The following TLCD4 variants were observed in gnomAD, a reference collection of about 807,000 sequenced individuals.
TLCD4 encodes TLC domain-containing protein 4.
Under a neutral mutation model 24.2 loss-of-function variants are expected in TLCD4, and 7 were observed. The ratio of observed to expected loss-of-function variants is 0.29; its 90% confidence interval spans 0.16 to 0.54. TLCD4 has a LOEUF of 0.54. Ranked by LOEUF, TLCD4 falls within the 20% of genes least tolerant of loss-of-function variation. TLCD4 has a pLI of 0.95. For missense variants in TLCD4, 259 were observed against 313.9 expected (o/e 0.82, Z 1.32); for synonymous variants, 103 against 106.4 (o/e 0.97, Z 0.20).
the TLCD4 span, among the ~76,000 whole-genome samples, chr1:95,095,248 G>A: frequency 7.2e-5 from 11 of 152,104 alleles, no homozygotes; most frequent in African/African-American, 2.2e-4. Context: ...TTTCAAGGAG[G>A]TCAAAAACAG....
At chr1:95,162,921 G>T (rs1387930489) in intron 5 of TLCD4, among the ~76,000 whole-genome samples, 5 of 152,152 alleles carry the variant, frequency 3.3e-5, no homozygotes, top group Admixed American at 2.6e-4. Context: ...CTTTCTCTCT[G>T]GCTGCCCTTA....
chr1:95,175,525 G>A (rs751203350), intron 6 of TLCD4, among the ~76,000 whole-genome samples: 1 of 152,176 alleles, frequency 6.6e-6, no homozygotes, highest in Non-Finnish European at 1.5e-5. Context: ...TTGAGACCCT[G>A]TTTCAAATTC....
At chr1:95,189,061 C>T (rs1201624579) in intron 6 of TLCD4, among the ~76,000 whole-genome samples, 2 of 152,108 alleles carry the variant, frequency 1.3e-5, no homozygotes, top group African/African-American at 2.4e-5. Flanking sequence ...TCCAGTATCT[C>T]ATGGAAAAAA....
At chr1:95,093,193 G>T in the TLCD4 span, among the ~76,000 whole-genome samples, 29 of 152,298 alleles carry the variant, frequency 1.9e-4, no homozygotes, top group East Asian at 3.3e-3. Context: ...GCACAAGGAA[G>T]AACCTCCCAG....
At chr1:95,138,026 G>A (rs1243590971) in intron 1 of TLCD4, among the ~76,000 whole-genome samples, 1 of 152,022 alleles carries the variant, frequency 6.6e-6, no homozygotes, top group African/African-American at 2.4e-5. Context: ...GCATGAGCCC[G>A]ACTGAGAACT....
At chr1:95,100,635 TC>T in the TLCD4 span, among the ~76,000 whole-genome samples, 12,283 of 152,168 alleles carry the variant, frequency 0.081, 531 homozygotes, top group African/African-American at 0.11. Context: ...GAGGACACCT[TC>T]CAGATCATCT....
chr1:95,163,325 C>G lies in TLCD4; in HGVS notation c.400-10491C>G, dbSNP rs188616443. 6.7e-4 allele frequency: 102 copies of G among 152,248 alleles called. 1 individual carries two copies. The highest frequency in any genetic ancestry group is 2.0e-3 in the African/African-American group (83 of 41,552). The allele number at this position is 152,248 out of a possible 1,614,324, so 9.4% of individuals were successfully genotyped here. ...AAGCTTGTGCATGTGTCATATAGTTCTCGTGCCATGGTTTTCAGCTCCATT... is the reference window on the plus strand; with the variant it reads ...AAGCTTGTGCATGTGTCATATAGTTGTCGTGCCATGGTTTTCAGCTCCATT... On this transcript the variant is annotated intron_variant, in intron 5 of 6. Coordinates refer to ENST00000370203, the MANE Select transcript of TLCD4 (RefSeq NM_152487.3).
At chr1:95,169,441 G>A (rs1208445202) in intron 5 of TLCD4, among the ~76,000 whole-genome samples, 1 of 152,174 alleles carries the variant, frequency 6.6e-6, no homozygotes, top group East Asian at 1.9e-4. Flanking sequence ...AAGTTGTTTA[G>A]ATGAACATAA....
chr1:95,177,935 CTTTTTTTTTT>C (rs200257933), intron 6 of TLCD4, among the ~76,000 whole-genome samples: 1 of 130,330 alleles, frequency 7.7e-6, no homozygotes, highest in Non-Finnish European at 1.7e-5. Context: ...TTTTTCTTTT[CTTTTTTTTTT>C]TTTTTGTTTT....
At chr1:95,139,040 A>C (rs1435898994) in intron 1 of TLCD4, among the ~76,000 whole-genome samples, 2 of 150,524 alleles carry the variant, frequency 1.3e-5, no homozygotes, top group Non-Finnish European at 3.0e-5. Flanking sequence ...AAAAAAAAAA[A>C]AAAATGAGCT....
the TLCD4 span, among the ~76,000 whole-genome samples, chr1:95,092,605 C>A: frequency 6.6e-6 from 1 of 152,104 alleles, no homozygotes; most frequent in Non-Finnish European, 1.5e-5. Flanking sequence ...TAACACTCAC[C>A]GCGAAGGTCT....
At chr1:95,137,163 G>A (rs994801636) in intron 1 of TLCD4, among the ~76,000 whole-genome samples, 2 of 152,164 alleles carry the variant, frequency 1.3e-5, no homozygotes, top group African/African-American at 4.8e-5. Flanking sequence ...ATGCCTGATC[G>A]CCTTCATTTT....
At chr1:95,150,094 C>G in intron 3 of TLCD4, 114 bp from the exon 4 acceptor site, 1 of 1,359,900 alleles carries the variant, frequency 7.4e-7, no homozygotes, top group South Asian at 1.4e-5. Flanking sequence ...TGACAGCTTA[C>G]CATTTGAGAA....
intron 2 of TLCD4, among the ~76,000 whole-genome samples, chr1:95,146,200 C>T (rs1571742676): frequency 6.6e-6 from 1 of 151,774 alleles, no homozygotes; most frequent in Admixed American, 6.6e-5. Context: ...TGGAAATGCC[C>T]ATTTGAGAGA....
At chr1:95,106,091 T>G in the TLCD4 span, among the ~76,000 whole-genome samples, 1 of 152,088 alleles carries the variant, frequency 6.6e-6, no homozygotes, top group Non-Finnish European at 1.5e-5. Flanking sequence ...TATGGAGAGA[T>G]AATCACTGTA....
chr1:95,113,321 C>T (rs1407415880), upstream of TLCD4, among the ~76,000 whole-genome samples: 1 of 152,282 alleles, frequency 6.6e-6, no homozygotes, highest in Non-Finnish European at 1.5e-5. Context: ...GCTGGGATTA[C>T]AGGCATGAAC....
At chr1:95,149,120 T>C (rs11806630) in intron 3 of TLCD4, among the ~76,000 whole-genome samples, 11,668 of 152,198 alleles carry the variant, frequency 0.077, 643 homozygotes, top group East Asian at 0.2. Context: ...TGAGATAGGG[T>C]AGTCAACTTG....
At chr1:95,190,160 A>G (rs2101026689) in intron 6 of TLCD4, among the ~76,000 whole-genome samples, 1 of 150,252 alleles carries the variant, frequency 6.7e-6, no homozygotes, top group African/African-American at 2.5e-5. Flanking sequence ...CTGGAGTGCA[A>G]TAGCACGATT....
chr1:95,187,417 T>C (rs1171705647), intron 6 of TLCD4, among the ~76,000 whole-genome samples: 1 of 152,208 alleles, frequency 6.6e-6, no homozygotes, highest in Non-Finnish European at 1.5e-5. Flanking sequence ...TTCTCAGATG[T>C]CCTGTCTCTG....
Sources: allele counts gnomAD v4.1 joint callset (sites outside exome capture counted in the v4.1 genomes callset), GRCh38; gene constraint gnomAD v4.1.1; transcripts MANE v1.5; gene names NCBI Gene and HGNC (gene_info 2026-07-23, HGNC 2026-07-21).